NAALADL2: variants seen among roughly 807,000 people sequenced by gnomAD.
NAALADL2 encodes the protein N-acetylated alpha-linked acidic dipeptidase like 2.
In NAALADL2, 76 loss-of-function variants were observed where a neutral mutation model predicts 87.2. The observed-to-expected ratio is 0.87, with a 90% confidence interval of 0.72 to 1.05. The LOEUF (loss-of-function observed/expected upper bound fraction) is 1.05, where lower values mean the gene tolerates loss of function less well. Ranked by LOEUF, NAALADL2 falls within the 50% of genes least tolerant of loss-of-function variation. The pLI, the probability that NAALADL2 is intolerant of heterozygous loss-of-function variation, is 0.00. For missense variants in NAALADL2, 1,089 were observed against 945.8 expected (o/e 1.15, Z -1.99); for synonymous variants, 354 against 331.0 (o/e 1.07, Z -0.75).
chr3:175,315,523 A>G (rs1221879137), intron 4 of NAALADL2, among the ~76,000 whole-genome samples: 1 of 152,154 alleles, frequency 6.6e-6, no homozygotes, highest in Non-Finnish European at 1.5e-5. Context: ...CACTTTTTGA[A>G]GAACTTTTAG....
intron 1 of NAALADL2, among the ~76,000 whole-genome samples, chr3:174,955,329 T>G (rs1307865672): frequency 6.6e-6 from 1 of 152,122 alleles, no homozygotes; most frequent in African/African-American, 2.4e-5. Context: ...ATAAAATAAG[T>G]TCAGAGAAGT....
At chr3:175,654,807 CTG>C (rs1358216640) in intron 11 of NAALADL2, among the ~76,000 whole-genome samples, 5 of 152,148 alleles carry the variant, frequency 3.3e-5, no homozygotes, top group Non-Finnish European at 5.9e-5. Context: ...CATGACTTTT[CTG>C]TGTTTCTTGG....
rs144329998 is a variant in NAALADL2, at chr3:175,677,478, G to GGTGTGTGT, written c.1896+50125_1896+50132dup. On this transcript the variant is annotated intron_variant, in intron 11 of 13. Transcript: ENST00000454872. ...TGGTGGCTGATAAATAGTATAATGG[G>GGTGTGTGT]GTGTGTGTGTGTGTGTGTGTGTGTG... Among the ~76,000 whole-genome samples, 297 of 140,184 alleles carry GGTGTGTGT rather than the reference G, an allele frequency of 2.1e-3. 2 individuals are homozygous for GGTGTGTGT. Among genetic ancestry groups the GGTGTGTGT allele is most frequent in the African/African-American group, 6.6e-3 (253 of 38,250 alleles). 92.0% of individuals were successfully genotyped at this position (140,184 alleles called of 152,430 possible). A position where few individuals can be genotyped will look rare whatever the true frequency, so the allele number is the denominator to read the frequency against.
chr3:174,839,945 A>T (rs573058948), intron 3 of NAALADL2, among the ~76,000 whole-genome samples: 1 of 152,258 alleles, frequency 6.6e-6, no homozygotes, highest in African/African-American at 2.4e-5. Flanking sequence ...CAGTGTGGAG[A>T]TTCCTTAAAG....
intron 13 of NAALADL2, among the ~76,000 whole-genome samples, chr3:175,761,777 T>C (rs10936868): frequency 0.15 from 22,760 of 152,190 alleles, 1,809 homozygotes; most frequent in Middle Eastern, 0.21. Flanking sequence ...TTCATATGCT[T>C]ATTTGCCGTC....
chr3:175,380,925 T>C (rs77855002), intron 5 of NAALADL2, among the ~76,000 whole-genome samples: 18,002 of 152,038 alleles, frequency 0.12, 1,206 homozygotes, highest in South Asian at 0.14. Context: ...CTTTTATCTA[T>C]GGAGATATTT....
chr3:175,170,182 T>A (rs1198688468), intron 2 of NAALADL2, among the ~76,000 whole-genome samples: 1 of 151,734 alleles, frequency 6.6e-6, no homozygotes, highest in Non-Finnish European at 1.5e-5. Flanking sequence ...CCAGAAAAAA[T>A]AAAAGTTTAG....
At chr3:175,686,573 A>G (rs1298403731) in intron 11 of NAALADL2, among the ~76,000 whole-genome samples, 1 of 151,898 alleles carries the variant, frequency 6.6e-6, no homozygotes, top group Non-Finnish European at 1.5e-5. Context: ...TAAAAGTTCA[A>G]CTTTTAATTC....
At chr3:174,784,337 A>AATTGCATT (rs1457958838) in intron 3 of NAALADL2, among the ~76,000 whole-genome samples, 1 of 152,128 alleles carries the variant, frequency 6.6e-6, no homozygotes, top group Non-Finnish European at 1.5e-5. Flanking sequence ...AAAAATCTCC[A>AATTGCATT]ATTGCATTAT....
At chr3:175,109,543 A>C (rs997431259) in intron 2 of NAALADL2, among the ~76,000 whole-genome samples, 4 of 151,948 alleles carry the variant, frequency 2.6e-5, no homozygotes, top group African/African-American at 9.6e-5. Context: ...GGAATGAAGG[A>C]AGGAAAGAAA....
intron 12 of NAALADL2, among the ~76,000 whole-genome samples, chr3:175,738,310 C>T (rs930506897): frequency 2.0e-5 from 3 of 151,472 alleles, no homozygotes; most frequent in South Asian, 2.1e-4. Flanking sequence ...TGCAGTGGTG[C>T]GATCTCAGCT....
intron 2 of NAALADL2, among the ~76,000 whole-genome samples, chr3:175,134,717 G>A (rs1050522131): frequency 6.6e-6 from 1 of 152,124 alleles, no homozygotes; most frequent in Non-Finnish European, 1.5e-5. Context: ...TGATGATACT[G>A]AGCAGGGAAT....
intron 2 of NAALADL2, among the ~76,000 whole-genome samples, chr3:174,721,523 A>G (rs955889516): frequency 2.0e-5 from 3 of 152,188 alleles, no homozygotes; most frequent in African/African-American, 7.2e-5. Flanking sequence ...CCTTAAAGGA[A>G]GATATGGCTC....
intron 1 of NAALADL2, among the ~76,000 whole-genome samples, chr3:174,931,899 C>T (rs1736948000): frequency 6.6e-6 from 1 of 152,128 alleles, no homozygotes; most frequent in Non-Finnish European, 1.5e-5. Context: ...TCTGTTTTCA[C>T]CTTGAAATTT....
At chr3:175,585,397 A>G (rs550706080) in intron 10 of NAALADL2, among the ~76,000 whole-genome samples, 43 of 152,304 alleles carry the variant, frequency 2.8e-4, no homozygotes, top group Non-Finnish European at 5.3e-4. Flanking sequence ...AGTATAATGC[A>G]ACAGTGCTTA....
intron 5 of NAALADL2, among the ~76,000 whole-genome samples, chr3:175,439,526 A>G (rs1489966841): frequency 6.6e-6 from 1 of 151,616 alleles, no homozygotes; most frequent in Non-Finnish European, 1.5e-5. Flanking sequence ...TTTTTTGATT[A>G]TGGCCATTCT....
chr3:175,482,646 AG>A (rs1582075926), intron 9 of NAALADL2, among the ~76,000 whole-genome samples: 1 of 151,940 alleles, frequency 6.6e-6, no homozygotes, highest in East Asian at 1.9e-4. Context: ...CTTCATTAAA[AG>A]TAGTTAATTC....
chr3:175,314,726 A>G (rs1323149009), intron 4 of NAALADL2, among the ~76,000 whole-genome samples: 1 of 117,246 alleles, frequency 8.5e-6, no homozygotes, highest in Non-Finnish European at 1.8e-5. Flanking sequence ...ATATATAGTT[A>G]GATAAGGTAC....
intron 5 of NAALADL2, among the ~76,000 whole-genome samples, chr3:175,351,917 A>G (rs1457992931): frequency 6.6e-6 from 1 of 152,102 alleles, no homozygotes; most frequent in African/African-American, 2.4e-5. Flanking sequence ...ACTCCACTAA[A>G]CCTCCAGTCA....
Sources: allele counts gnomAD v4.1 joint callset (sites outside exome capture counted in the v4.1 genomes callset), GRCh38; gene constraint gnomAD v4.1.1; transcripts MANE v1.5; gene names NCBI Gene and HGNC (gene_info 2026-07-23, HGNC 2026-07-21).